The following ITGA6 variants were observed in gnomAD, a reference collection of about 807,000 sequenced individuals.
The protein encoded by ITGA6 is integrin subunit alpha 6.
ITGA6 carries 63 observed loss-of-function variants against 133.6 expected under a neutral mutation model. That is an observed-to-expected ratio of 0.47 (90% CI 0.38 to 0.58). The LOEUF is 0.58. Among genes scored for constraint, ITGA6 ranks in the 20% least tolerant of loss-of-function variants. The pLI is 0.00. For synonymous variants in ITGA6, 434 were observed against 482.0 expected (o/e 0.90, Z 1.30); for missense variants, 1,068 against 1,309.4 (o/e 0.82, Z 2.85).
Position 172,505,286 on chromosome 2 carries a change from G to A in ITGA6, c.*1218G>A, listed in dbSNP as rs1687511934. On this transcript the variant is annotated 3_prime_UTR_variant, in exon 26 of 26. Coordinates refer to ENST00000684293, the MANE Select transcript of ITGA6 (RefSeq NM_000210.4). ...AAATGGGTTTATTCACTGAACTCTA[G>A]TGCGGTTTACTCACTGCTGCAAATA... 2 of 152,172 alleles carry A rather than the reference G, an allele frequency of 1.3e-5. No homozygotes were observed. Among genetic ancestry groups the A allele is most frequent in the African/African-American group, 2.4e-5 (1 of 41,432 alleles). 9.4% of individuals were successfully genotyped at this position (152,172 alleles called of 1,614,324 possible).
At chr2:172,437,179 C>A (rs1684355703) in intron 1 of ITGA6, among the ~76,000 whole-genome samples, 1 of 152,120 alleles carries the variant, frequency 6.6e-6, no homozygotes, top group African/African-American at 2.4e-5. Flanking sequence ...AGATGGGGAG[C>A]ATTTGTAGGT....
intron 11 of ITGA6, chr2:172,480,981 G>C (rs920443321): frequency 6.6e-6 from 1 of 152,166 alleles, no homozygotes; most frequent in East Asian, 1.9e-4. Context: ...CCTGGCTCCA[G>C]AGTCAAGGCC....
In ITGA6 at chr2:172,491,276, A is replaced by T; in HGVS notation, c.2834A>T (p.Asp945Val). The stretch of plus-strand genomic sequence containing the variant: ...ATCAGATGCCCGCTGCGGGGGCTGG[A>T]CAGCAAGGCGTCTCTTATTTTGCGC... Reference protein sequence around the residue: ...VNIRCPLRGLDSKASLILRSR... With the variant: ...VNIRCPLRGLVSKASLILRSR... The change falls in exon 22 of 26, where the codon GAC becomes GTC. Residue 945 changes from aspartate (D) to valine (V), a missense_variant. Transcript: ENST00000684293. The surrounding 1 kb of genome is among the most constrained non-coding windows in gnomAD (Gnocchi z 4.4). The T allele has an allele frequency of 6.2e-7, 1 of 1,613,350 alleles. No homozygotes were observed. Among genetic ancestry groups the T allele is most frequent in the Non-Finnish European group, 8.5e-7 (1 of 1,179,306 alleles).
At chr2:172,441,597 C>CAAAAAAA (rs1684547284) in intron 1 of ITGA6, among the ~76,000 whole-genome samples, 10 of 94,174 alleles carry the variant, frequency 1.1e-4, no homozygotes, top group African/African-American at 2.9e-4. Flanking sequence ...AAAAAAAAAT[C>CAAAAAAA]AAACCTCAGT....
chr2:172,431,258 T>A (rs532084590), intron 1 of ITGA6, among the ~76,000 whole-genome samples: 1 of 152,356 alleles, frequency 6.6e-6, no homozygotes, highest in African/African-American at 2.4e-5. Flanking sequence ...AAACTGAAGC[T>A]GAAAGTTCAG....
chr2:172,435,020 GGTTTTAAGTGTGTGT>G (rs1265066813), intron 1 of ITGA6, among the ~76,000 whole-genome samples: 2 of 140,902 alleles, frequency 1.4e-5, no homozygotes, highest in African/African-American at 5.3e-5. Flanking sequence ...GTACTGAGGT[GGTTTTAAGTGTGTGT>G]GTGTGTGTGT....
chr2:172,468,828 G>A (rs946275349), intron 3 of ITGA6, among the ~76,000 whole-genome samples: 4 of 152,200 alleles, frequency 2.6e-5, no homozygotes, highest in African/African-American at 9.7e-5. Context: ...CTTTGTTTAT[G>A]TGACAGGTAA....
chr2:172,462,059 G>A (rs955366068), intron 1 of ITGA6, among the ~76,000 whole-genome samples: 12 of 152,216 alleles, frequency 7.9e-5, no homozygotes, highest in African/African-American at 2.7e-4. Flanking sequence ...AACCAGGGAG[G>A]GCAGCTTTAC....
intron 1 of ITGA6, among the ~76,000 whole-genome samples, chr2:172,462,185 G>C (rs1685453816): frequency 6.6e-6 from 1 of 152,190 alleles, no homozygotes; most frequent in South Asian, 2.1e-4. Flanking sequence ...TATCGCGGTG[G>C]GTCCCAGGAG....
intron 8 of ITGA6, 111 bp downstream of exon 8, chr2:172,475,796 A>G: frequency 1.4e-6 from 1 of 707,732 alleles, no homozygotes; most frequent in Non-Finnish European, 2.6e-6. Flanking sequence ...TTACAAGTCC[A>G]CAATAGTATA....
intron 1 of ITGA6, 71 bp from the exon 2 acceptor site, chr2:172,465,468 A>C (rs1460919918): frequency 1.9e-6 from 3 of 1,546,742 alleles, no homozygotes; most frequent in Non-Finnish European, 2.7e-6. Context: ...ACTATCTCCT[A>C]GTTCTGACTG....
At chr2:172,497,866 C>G in intron 23 of ITGA6, 109 bp from the exon 24 acceptor site, 1 of 1,122,320 alleles carries the variant, frequency 8.9e-7, no homozygotes, top group Non-Finnish European at 1.4e-6. Flanking sequence ...CATCCATTCA[C>G]AGGCTGCATT....
intron 2 of ITGA6, 157 bp downstream of exon 2, chr2:172,465,820 T>C (rs1168637693): frequency 5.7e-6 from 6 of 1,060,446 alleles, no homozygotes; most frequent in Non-Finnish European, 7.1e-6. Flanking sequence ...AAATATTTAC[T>C]TACTTTACTT....
At chr2:172,469,472 C>T in intron 4 of ITGA6, 92 bp downstream of exon 4, 2 of 1,122,800 alleles carry the variant, frequency 1.8e-6, no homozygotes, top group South Asian at 2.8e-5. Context: ...TGTTAGAAGA[C>T]ATTCGTATAT....
chr2:172,466,093 A>G, intron 2 of ITGA6: 1 of 278,994 alleles, frequency 3.6e-6, no homozygotes, highest in East Asian at 9.4e-5. Flanking sequence ...GCTAACAGAG[A>G]TAAAGTTTTC....
chr2:172,469,277 A>AG lies in ITGA6; in HGVS notation c.542dup (p.His182ProfsTer2), dbSNP rs763485028. ...GGAGCTTTTGTGATGGGCGATTGAG[A>AG]GGCCATGAGAAATTTGGCTCTTGCC... On this transcript the variant is annotated frameshift_variant, in exon 4 of 26. Coordinates refer to ENST00000684293, the MANE Select transcript of ITGA6 (RefSeq NM_000210.4). LOFTEE classifies it high-confidence loss of function. The AG allele has an allele frequency of 6.2e-7, 1 of 1,614,134 alleles. No homozygotes were observed. The highest frequency in any genetic ancestry group is 1.1e-5 in the South Asian group (1 of 91,084).
At chr2:172,451,905 C>T (rs761670512) in intron 1 of ITGA6, among the ~76,000 whole-genome samples, 1 of 151,772 alleles carries the variant, frequency 6.6e-6, no homozygotes, top group East Asian at 1.9e-4. Context: ...GTGTACTGTT[C>T]TAGTATCTAC....
At chr2:172,499,092 A>G (rs1411490975) in intron 24 of ITGA6, among the ~76,000 whole-genome samples, 1 of 152,124 alleles carries the variant, frequency 6.6e-6, no homozygotes, top group Non-Finnish European at 1.5e-5. Context: ...TTTTCTTTTC[A>G]TTGGATCCAA....
intron 24 of ITGA6, among the ~76,000 whole-genome samples, chr2:172,499,034 T>C (rs1574418121): frequency 6.6e-6 from 1 of 152,226 alleles, no homozygotes; most frequent in East Asian, 1.9e-4. Context: ...ACATGTCCGG[T>C]CTGGAGGGTT....
Sources: gnomAD v4.1 joint callset for allele counts (sites outside exome capture counted in the v4.1 genomes callset) on GRCh38, gnomAD v4.1.1 for gene constraint, Gnocchi (gnomAD v3.1) non-coding constraint, MANE v1.5 for transcripts, NCBI Gene and HGNC (gene_info 2026-07-23, HGNC 2026-07-21) for gene names.